The following KCNIP4 variants were observed in gnomAD, a reference collection of about 807,000 sequenced individuals.
KCNIP4 encodes the protein potassium voltage-gated channel interacting protein 4.
A neutral mutation model predicts 34.0 loss-of-function variants in KCNIP4; 12 were observed. The observed-to-expected ratio is 0.35, with a 90% CI of 0.23 to 0.57. The LOEUF (loss-of-function observed/expected upper bound fraction) is 0.57, where lower values mean the gene tolerates loss of function less well. Among genes scored for constraint, KCNIP4 ranks in the 20% least tolerant of loss-of-function variants. The pLI is 0.83. For missense variants in KCNIP4, 238 were observed against 311.7 expected, an observed-to-expected ratio of 0.76 and a Z score of 1.78; for synonymous variants, 124 against 102.2, an observed-to-expected ratio of 1.21 and a Z score of -1.29.
intron 1 of KCNIP4, among the ~76,000 whole-genome samples, chr4:21,870,269 A>C (rs142653134): frequency 1.3e-5 from 2 of 152,268 alleles, no homozygotes; most frequent in African/African-American, 4.8e-5. Context: ...GAAGGGAACA[A>C]AAGTCTTTTA....
intron 1 of KCNIP4, among the ~76,000 whole-genome samples, chr4:21,264,060 T>C (rs1761643234): frequency 6.6e-6 from 1 of 152,024 alleles, no homozygotes. Flanking sequence ...CTCTATTGAA[T>C]CCAAGTCTGA....
intron 1 of KCNIP4, among the ~76,000 whole-genome samples, chr4:21,395,449 GT>G (rs1197196601): frequency 2.6e-5 from 4 of 151,586 alleles, no homozygotes; most frequent in African/African-American, 9.7e-5. Context: ...CTTTCCTTTA[GT>G]AACTTAGGTA....
Position 21,862,788 on chromosome 4 carries a change from T to C in KCNIP4, c.61+85783A>G, listed in dbSNP as rs571635388. On this transcript the variant is annotated intron_variant, in intron 1 of 8. Transcript: ENST00000382152. Reference sequence around the variant, plus strand: ...GGAGATCGAGACCACGGTGAAACCCTGTCTCTACTAAAAATACAAAAAATT... The same window carrying C: ...GGAGATCGAGACCACGGTGAAACCCCGTCTCTACTAAAAATACAAAAAATT... Among the ~76,000 whole-genome samples the C allele has an allele frequency of 4.1e-4, 63 of 152,192 alleles. 1 individual carries two copies. Among genetic ancestry groups the C allele is most frequent in the South Asian group, 1.0e-3 (5 of 4,820 alleles).
intron 1 of KCNIP4, among the ~76,000 whole-genome samples, chr4:21,932,664 G>A (rs541731081): frequency 1.0e-3 from 156 of 152,074 alleles, no homozygotes; most frequent in African/African-American, 3.6e-3. Context: ...CCAGTCAACT[G>A]AGCATGCCTT....
At chr4:21,193,313 T>G (rs1755814990) in intron 1 of KCNIP4, among the ~76,000 whole-genome samples, 1 of 152,178 alleles carries the variant, frequency 6.6e-6, no homozygotes, top group African/African-American at 2.4e-5. Context: ...GTGTCACAGC[T>G]GAGCTCAGGA....
chr4:21,714,184 T>C (rs1169659196), intron 1 of KCNIP4, among the ~76,000 whole-genome samples: 1 of 152,156 alleles, frequency 6.6e-6, no homozygotes, highest in Non-Finnish European at 1.5e-5. Flanking sequence ...ATAAACTCTC[T>C]CTCAAGATTA....
intron 1 of KCNIP4, among the ~76,000 whole-genome samples, chr4:21,654,939 G>T (rs1747806663): frequency 6.6e-6 from 1 of 151,740 alleles, no homozygotes; most frequent in Admixed American, 6.6e-5. Flanking sequence ...AAAAAGGAAA[G>T]AAAAAGAAAA....
chr4:21,678,294 ATCT>A (rs1033299441), intron 1 of KCNIP4, among the ~76,000 whole-genome samples: 6 of 127,922 alleles, frequency 4.7e-5, no homozygotes, highest in African/African-American at 1.1e-4. Context: ...GTGTCATAAA[ATCT>A]TCTTTTGATT....
intron 1 of KCNIP4, among the ~76,000 whole-genome samples, chr4:21,661,194 C>G (rs1021833530): frequency 6.6e-6 from 1 of 152,252 alleles, no homozygotes; most frequent in East Asian, 1.9e-4. Context: ...CATCTCCTTT[C>G]CAGCTCCCCA....
chr4:21,885,641 C>G (rs984188067), intron 1 of KCNIP4, among the ~76,000 whole-genome samples: 1 of 152,062 alleles, frequency 6.6e-6, no homozygotes, highest in East Asian at 1.9e-4. Flanking sequence ...ACCAAACAAC[C>G]CTAATTTAGC....
At chr4:21,525,262 T>A (rs1735875221) in intron 1 of KCNIP4, among the ~76,000 whole-genome samples, 1 of 152,160 alleles carries the variant, frequency 6.6e-6, no homozygotes, top group African/African-American at 2.4e-5. Flanking sequence ...TTTCCAACAA[T>A]ATGGAAAACT....
chr4:20,799,620 G>A (rs955554702), intron 3 of KCNIP4, among the ~76,000 whole-genome samples: 23 of 152,062 alleles, frequency 1.5e-4, no homozygotes, highest in African/African-American at 5.3e-4. Context: ...TCAATCCCAG[G>A]CCCAAGCCAC....
chr4:20,851,624 G>T (rs200909314), intron 2 of KCNIP4, among the ~76,000 whole-genome samples: 5 of 149,336 alleles, frequency 3.3e-5, no homozygotes, highest in Admixed American at 2.7e-4. Context: ...CTTCCACAAT[G>T]GTTGAACTAA....
At chr4:20,765,766 G>A (rs1483906406) in intron 3 of KCNIP4, among the ~76,000 whole-genome samples, 2 of 152,152 alleles carry the variant, frequency 1.3e-5, no homozygotes, top group African/African-American at 2.4e-5. Context: ...CACAATAAAA[G>A]TAGAATGAGG....
chr4:20,754,852 T>C (rs1754237355), intron 4 of KCNIP4, among the ~76,000 whole-genome samples: 1 of 152,160 alleles, frequency 6.6e-6, no homozygotes, highest in African/African-American at 2.4e-5. Flanking sequence ...ATGTAATAAC[T>C]TGATTTGAAA....
chr4:21,279,711 A>G (rs945506441), intron 1 of KCNIP4, among the ~76,000 whole-genome samples: 1 of 152,052 alleles, frequency 6.6e-6, no homozygotes, highest in African/African-American at 2.4e-5. Context: ...TGTTGATAAC[A>G]AGTGTATATT....
At chr4:20,993,635 C>T (rs1383705929) in intron 1 of KCNIP4, among the ~76,000 whole-genome samples, 4 of 152,220 alleles carry the variant, frequency 2.6e-5, no homozygotes, top group Admixed American at 1.3e-4. Context: ...TTTCCTAGAA[C>T]TCACAGTCAG....
chr4:21,359,471 C>A (rs1392568483), intron 1 of KCNIP4, among the ~76,000 whole-genome samples: 1 of 152,036 alleles, frequency 6.6e-6, no homozygotes, highest in Admixed American at 6.6e-5. Flanking sequence ...TACAGTGGCC[C>A]ATGCTATCAG....
chr4:21,813,661 C>T (rs1721796912), intron 1 of KCNIP4, among the ~76,000 whole-genome samples: 1 of 152,078 alleles, frequency 6.6e-6, no homozygotes, highest in Non-Finnish European at 1.5e-5. Context: ...AATATAATAA[C>T]ATAGTTGCAT....
Sources: gnomAD v4.1 joint callset for allele counts (sites outside exome capture counted in the v4.1 genomes callset) on GRCh38, gnomAD v4.1.1 for gene constraint, MANE v1.5 for transcripts, NCBI Gene and HGNC (gene_info 2026-07-23, HGNC 2026-07-21) for gene names.